BRI3BP: variants seen among roughly 807,000 people sequenced by gnomAD.
The protein encoded by BRI3BP is BRI3 binding protein.
Under a neutral mutation model 15.8 loss-of-function variants are expected in BRI3BP, and 7 were observed. The ratio of observed to expected loss-of-function variants is 0.44; its 90% confidence interval spans 0.25 to 0.83. BRI3BP has a LOEUF of 0.83. BRI3BP is among the 40% of genes least tolerant of loss of function. BRI3BP has a pLI of 0.20. For missense variants in BRI3BP, 320 were observed against 339.3 expected (o/e 0.94, Z 0.45); for synonymous variants, 192 against 163.5 (o/e 1.17, Z -1.33).
At chr12:124,994,879 G>A (rs1955028171) in intron 1 of BRI3BP, among the ~76,000 whole-genome samples, 1 of 152,182 alleles carries the variant, frequency 6.6e-6, no homozygotes, top group Non-Finnish European at 1.5e-5. Context: ...TCAAGTTGGA[G>A]CTCTACCAGT....
chr12:125,004,089 T>C (rs1955122191), intron 1 of BRI3BP, among the ~76,000 whole-genome samples: 1 of 152,208 alleles, frequency 6.6e-6, no homozygotes, highest in South Asian at 2.1e-4. Flanking sequence ...CCAAAATGTC[T>C]TTACAAAACT....
intron 2 of BRI3BP, among the ~76,000 whole-genome samples, chr12:125,018,830 C>T (rs1955269243): frequency 6.6e-6 from 1 of 151,976 alleles, no homozygotes; most frequent in South Asian, 2.1e-4. Context: ...CAGGCACATG[C>T]CACCAAATCT....
In BRI3BP at chr12:125,027,325, C is replaced by T. The variant is rs936129557; in HGVS notation, c.*1895C>T. 2.6e-5 allele frequency: 4 copies of T among 152,044 alleles called. No individual in the cohort carries two copies. Among genetic ancestry groups the T allele is most frequent in the East Asian group, 1.9e-4 (1 of 5,170 alleles). The allele number at this position is 152,044 out of a possible 1,614,324, so 9.4% of individuals were successfully genotyped here. On this transcript the variant is annotated 3_prime_UTR_variant, in exon 3 of 3. Coordinates refer to ENST00000341446, the MANE Select transcript of BRI3BP (RefSeq NM_080626.6). Reference sequence around the variant, plus strand: ...GGAGAGTTCCATTCACTTCCTGAAACGTGCACCTGTTTCAGGTGCATGTTT... The same window carrying T: ...GGAGAGTTCCATTCACTTCCTGAAATGTGCACCTGTTTCAGGTGCATGTTT...
intron 1 of BRI3BP, among the ~76,000 whole-genome samples, chr12:125,011,724 TTA>T (rs1491297677): frequency 6.6e-6 from 1 of 151,554 alleles, no homozygotes; most frequent in Non-Finnish European, 1.5e-5. Context: ...CACTAATTTT[TTA>T]AAAAAAAAAG....
At chr12:125,006,166 C>G (rs1404001681) in intron 1 of BRI3BP, among the ~76,000 whole-genome samples, 3 of 152,052 alleles carry the variant, frequency 2.0e-5, no homozygotes, top group Non-Finnish European at 4.4e-5. Context: ...TCTCCAAATA[C>G]AGTCCCATTC....
chr12:125,016,655 A>T (rs1378857739), intron 2 of BRI3BP, among the ~76,000 whole-genome samples: 1 of 151,586 alleles, frequency 6.6e-6, no homozygotes, highest in African/African-American at 2.4e-5. Flanking sequence ...CCTGCCAAGT[A>T]GCTGGGATTA....
At chr12:125,036,247 T>C in the BRI3BP span, among the ~76,000 whole-genome samples, 1 of 132,860 alleles carries the variant, frequency 7.5e-6, no homozygotes, top group African/African-American at 2.7e-5. Context: ...GTATTTTTAG[T>C]AGAGACGGGG....
intron 1 of BRI3BP, among the ~76,000 whole-genome samples, chr12:124,997,930 G>A (rs988703700): frequency 1.3e-5 from 2 of 152,158 alleles, no homozygotes; most frequent in African/African-American, 4.8e-5. Flanking sequence ...TTCAAGACCA[G>A]CCTGACCAAC....
At chr12:125,011,719 A>AT (rs35706724) in intron 1 of BRI3BP, among the ~76,000 whole-genome samples, 4 of 151,488 alleles carry the variant, frequency 2.6e-5, no homozygotes, top group Non-Finnish European at 5.9e-5. Context: ...AATATCACTA[A>AT]TTTTTTAAAA....
chr12:124,994,052 A>T, intron 1 of BRI3BP, 49 bp downstream of exon 1: 2 of 1,173,110 alleles, frequency 1.7e-6, no homozygotes, highest in Non-Finnish European at 2.1e-6. Context: ...GTCGCCACGC[A>T]CCTGGCTACC....
chr12:125,001,221 AT>A (rs34379255), intron 1 of BRI3BP, among the ~76,000 whole-genome samples: 1 of 151,110 alleles, frequency 6.6e-6, no homozygotes, highest in Non-Finnish European at 1.5e-5. Context: ...CGCCCGGCTA[AT>A]TTTTTTTGTA....
intron 1 of BRI3BP, among the ~76,000 whole-genome samples, chr12:125,012,061 C>T (rs559476634): frequency 1.3e-5 from 2 of 152,282 alleles, no homozygotes; most frequent in South Asian, 2.1e-4. Flanking sequence ...GGTGGCTGCA[C>T]CTGTAGCCCT....
At chr12:125,050,315 C>T in the BRI3BP span, among the ~76,000 whole-genome samples, 2 of 151,458 alleles carry the variant, frequency 1.3e-5, no homozygotes, top group Admixed American at 1.3e-4. Flanking sequence ...ACGCCACTGC[C>T]CTCCAGGTTG....
intron 2 of BRI3BP, among the ~76,000 whole-genome samples, chr12:125,023,524 C>T (rs543565772): frequency 1.2e-4 from 19 of 152,258 alleles, no homozygotes; most frequent in Non-Finnish European, 2.5e-4. Context: ...GGCTATGCCC[C>T]ACTTCCAGAG....
intron 2 of BRI3BP, among the ~76,000 whole-genome samples, chr12:125,020,788 G>C (rs1003777180): frequency 6.6e-6 from 1 of 152,138 alleles, no homozygotes; most frequent in African/African-American, 2.4e-5. Flanking sequence ...GCTGAGGTGA[G>C]AGGATCGCTT....
In BRI3BP at chr12:125,025,408, TGGACCGCTCCAA is replaced by T. The variant is rs1955344291; in HGVS notation, c.739_750del (p.Arg247_Asp250del). On this transcript the variant is annotated inframe_deletion, in exon 3 of 3. Coordinates refer to ENST00000341446, the MANE Select transcript of BRI3BP (RefSeq NM_080626.6). ...CGTCTCAACCGGGTGCTCGAGAGCC[TGGACCGCTCCAA>T]GGACAAGTGAAGGTCAGCCGGCCGG... is the stretch of plus-strand genomic sequence containing the variant. The T allele has an allele frequency of 6.2e-7, 1 of 1,602,106 alleles. No homozygotes were observed. Among genetic ancestry groups the T allele is most frequent in the Non-Finnish European group, 8.5e-7 (1 of 1,172,202 alleles).
intron 1 of BRI3BP, among the ~76,000 whole-genome samples, chr12:125,004,750 C>A (rs113725482): frequency 6.6e-6 from 1 of 152,086 alleles, no homozygotes; most frequent in Non-Finnish European, 1.5e-5. Context: ...GGATCCCACC[C>A]GATATTTGGT....
At chr12:125,000,448 G>C (rs180977498) in intron 1 of BRI3BP, among the ~76,000 whole-genome samples, 8,896 of 151,544 alleles carry the variant, frequency 0.059, 401 homozygotes, top group Admixed American at 0.14. Flanking sequence ...CGAGTAGCTG[G>C]GACTACAGAC....
At chr12:125,048,200 C>T in the BRI3BP span, among the ~76,000 whole-genome samples, 13 of 151,926 alleles carry the variant, frequency 8.6e-5, no homozygotes, top group Non-Finnish European at 1.5e-5. Flanking sequence ...AGTTGGGGCA[C>T]ACTGTAGTAA....
Sources: gnomAD v4.1 joint callset for allele counts (sites outside exome capture counted in the v4.1 genomes callset) on GRCh38, gnomAD v4.1.1 for gene constraint, MANE v1.5 for transcripts, NCBI Gene and HGNC (gene_info 2026-07-23, HGNC 2026-07-21) for gene names.